The following OAS1 variants were observed in gnomAD, a reference collection of about 807,000 sequenced individuals.
OAS1 encodes 2'-5'-oligoadenylate synthetase 1.
In OAS1, 24 loss-of-function variants were observed where a neutral mutation model predicts 38.5. The ratio of observed to expected loss-of-function variants is 0.62; its 90% CI spans 0.45 to 0.88. OAS1 has a LOEUF of 0.88. Among genes scored for constraint, OAS1 ranks in the 40% least tolerant of loss-of-function variants. OAS1 has a pLI of 0.00. For missense variants in OAS1, 482 were observed against 493.9 expected (o/e 0.98, Z 0.23); for synonymous variants, 169 against 193.9 (o/e 0.87, Z 1.07).
chr12:112,922,130 G>A (rs1175442988), downstream of OAS1, among the ~76,000 whole-genome samples: 1 of 152,162 alleles, frequency 6.6e-6, no homozygotes, highest in Non-Finnish European at 1.5e-5. Flanking sequence ...AATGTTGAGT[G>A]ACTCCCCTTT....
downstream of OAS1, among the ~76,000 whole-genome samples, chr12:112,921,387 T>C (rs1203853286): frequency 1.3e-5 from 2 of 152,236 alleles, no homozygotes; most frequent in South Asian, 4.1e-4. Context: ...CTTTTGAGAG[T>C]GTTTCATTTT....
chr12:112,930,644 T>C (rs1331810011), intron 6 of OAS1, among the ~76,000 whole-genome samples: 1 of 152,170 alleles, frequency 6.6e-6, no homozygotes, highest in Non-Finnish European at 1.5e-5. Flanking sequence ...AGGACTAAGG[T>C]CCCCTTTGGT....
rs762630223 is a variant in OAS1 at position 112,917,613 on chromosome 12, G to A, written c.951G>A (p.Arg317=). The change falls in exon 5 of 6, where the codon AGG becomes AGA. Residue 317 remains arginine (R), a synonymous_variant. Coordinates refer to ENST00000202917, the MANE Select transcript of OAS1 (RefSeq NM_016816.4). ...GTGGTGGAGACCCAAAGGGTTGGAGGCAGCTGGCACAAGAGGCTGAGGCCT... is the reference window on the plus strand; with the variant it reads ...GTGGTGGAGACCCAAAGGGTTGGAGACAGCTGGCACAAGAGGCTGAGGCCT... The part of the protein sequence containing the change: ...NLGGGDPKGW[R]QLAQEAEAWL... 4 of 1,614,196 alleles carry A rather than the reference G, an allele frequency of 2.5e-6. No individual in the cohort carries two copies. The East Asian group carries it at 8.9e-5, about 36-fold the overall frequency.
chr12:112,929,271 A>T (rs558284396), intron 6 of OAS1, among the ~76,000 whole-genome samples: 2 of 152,320 alleles, frequency 1.3e-5, no homozygotes, highest in East Asian at 3.9e-4. Context: ...CTAGATGGAA[A>T]GCTTTCCAAG....
chr12:112,927,476 A>G lies in OAS1; in HGVS notation c.1168-4402A>G, dbSNP rs148461865. ...TCAGCCATGTGACTCCCAGAATCCT[A>G]TGAAATTAAAGATCTTGTGTTTGGC... On this transcript the variant is annotated intron_variant, in intron 6 of 6. Transcript: ENST00000540589. 9.8e-3 allele frequency among the ~76,000 whole-genome samples: 1,493 copies of G among 152,270 alleles called. 16 individuals are homozygous for G. Among genetic ancestry groups the G allele is most frequent in the South Asian group, 0.034 (166 of 4,826 alleles).
intron 1 of OAS1, among the ~76,000 whole-genome samples, chr12:112,908,155 A>C (rs1444791542): frequency 1.3e-5 from 2 of 152,130 alleles, no homozygotes; most frequent in African/African-American, 4.8e-5. Context: ...TCAATACCTC[A>C]TAGGGCCGTG....
intron 5 of OAS1, chr12:112,918,361 ATATACCACACTT>A: frequency 4.0e-6 from 1 of 250,378 alleles, no homozygotes; most frequent in Non-Finnish European, 8.1e-6. Context: ...CATGGTGTAG[ATATACCACACTT>A]TCTTTATCCA....
At chr12:112,914,619 T>C (rs2043428719) in intron 3 of OAS1, among the ~76,000 whole-genome samples, 1 of 152,194 alleles carries the variant, frequency 6.6e-6, no homozygotes. Context: ...TGTTTGATTT[T>C]TTATTATGAC....
chr12:112,921,769 G>A (rs1358218751), downstream of OAS1, among the ~76,000 whole-genome samples: 1 of 152,132 alleles, frequency 6.6e-6, no homozygotes, highest in Non-Finnish European at 1.5e-5. Flanking sequence ...GCTAATTTCT[G>A]TACTTCCCTG....
At chr12:112,921,352 T>C (rs4767027), downstream of OAS1, among the ~76,000 whole-genome samples, 114,623 of 152,190 alleles carry the variant, frequency 0.75, 44,392 homozygotes, top group African/African-American at 0.94. Flanking sequence ...TGTATTTTAC[T>C]GTGTGGAAAA....
chr12:112,916,736 C>G lies in OAS1; in HGVS notation c.882C>G (p.Pro294=), dbSNP rs1022991551. ...EKYLRRQLTK[P]RPVILDPADP... ...ACCTGAGAAGGCAGCTCACGAAACC[C>G]AGGTATGCTATCCCCACATGGCTTA... Residue 294 remains proline, a splice_region_variant and synonymous_variant, in exon 4 of 6, where the codon CCC becomes CCG. Transcript: ENST00000202917. The G allele has an allele frequency of 6.2e-7, 1 of 1,611,022 alleles. No individual in the cohort carries two copies. The highest frequency in any genetic ancestry group is 8.5e-7 in the Non-Finnish European group (1 of 1,177,224).
intron 6 of OAS1, among the ~76,000 whole-genome samples, chr12:112,928,817 T>C (rs1243896941): frequency 6.6e-6 from 1 of 152,216 alleles, no homozygotes; most frequent in Non-Finnish European, 1.5e-5. Flanking sequence ...TGGCAAAGCA[T>C]GGATCCAGGA....
chr12:112,910,847 G>A (rs542968202), intron 2 of OAS1, among the ~76,000 whole-genome samples: 21 of 152,212 alleles, frequency 1.4e-4, no homozygotes, highest in South Asian at 4.2e-4. Context: ...CCATAGTTCC[G>A]GCGAGTGACG....
intron 6 of OAS1, among the ~76,000 whole-genome samples, chr12:112,928,926 T>A (rs1010430838): frequency 3.3e-5 from 5 of 152,088 alleles, no homozygotes; most frequent in African/African-American, 1.2e-4. Context: ...AGAGGGTGTG[T>A]TTATGGATTC....
chr12:112,927,249 T>C (rs2043565455), intron 6 of OAS1, among the ~76,000 whole-genome samples: 1 of 152,200 alleles, frequency 6.6e-6, no homozygotes, highest in Admixed American at 6.5e-5. Context: ...AGAGTATTGA[T>C]TGAGGAAGTG....
intron 3 of OAS1, among the ~76,000 whole-genome samples, chr12:112,912,509 A>G (rs2136306660): frequency 6.6e-6 from 1 of 152,354 alleles, no homozygotes; most frequent in African/African-American, 2.4e-5. Context: ...TAAAAAAAAG[A>G]CAATCATTTA....
At chr12:112,932,012 A>G in exon 7 of OAS1, 2 of 684,316 alleles carry the variant, frequency 2.9e-6, no homozygotes, top group South Asian at 1.6e-5. Flanking sequence ...CACAGCAAGG[A>G]AAACCTTCAA....
exon 7 of OAS1, chr12:112,931,893 G>A: frequency 3.1e-6 from 2 of 647,076 alleles, no homozygotes; most frequent in Non-Finnish European, 5.4e-6. Context: ...CCTCACACTG[G>A]TTGGCAGAAG....
chr12:112,917,769 G>A (rs1260587068), intron 5 of OAS1, 69 bp downstream of exon 5: 2 of 1,614,062 alleles, frequency 1.2e-6, no homozygotes, highest in Non-Finnish European at 8.5e-7. Flanking sequence ...ACATATAGCT[G>A]GAGACCATTC....
Sources: gnomAD v4.1 joint callset for allele counts (sites outside exome capture counted in the v4.1 genomes callset) on GRCh38, gnomAD v4.1.1 for gene constraint, MANE v1.5 for transcripts, NCBI Gene and HGNC (gene_info 2026-07-23, HGNC 2026-07-21) for gene names.